C1QTNF3: variants seen among roughly 807,000 people sequenced by gnomAD.
C1QTNF3 encodes the protein C1q and TNF related 3.
In C1QTNF3, 26 loss-of-function variants were observed where a neutral mutation model predicts 32.6. The observed-to-expected ratio is 0.80, with a 90% CI of 0.58 to 1.11. C1QTNF3 has a LOEUF of 1.11. C1QTNF3 is among the 50% of genes least tolerant of loss of function. The pLI is 0.00. For missense variants in C1QTNF3, 362 were observed against 398.2 expected (o/e 0.91, Z 0.77); for synonymous variants, 155 against 146.0 (o/e 1.06, Z -0.44).
chr5:34,164,294 C>A, the C1QTNF3 span, among the ~76,000 whole-genome samples: 1 of 152,058 alleles, frequency 6.6e-6, no homozygotes, highest in Non-Finnish European at 1.5e-5. Context: ...ATCAATGGTA[C>A]GAGATATTTT....
chr5:34,146,525 C>A, the C1QTNF3 span, among the ~76,000 whole-genome samples: 1 of 152,192 alleles, frequency 6.6e-6, no homozygotes, highest in Non-Finnish European at 1.5e-5. Context: ...CACTTACAAT[C>A]ACCTGATCTT....
the C1QTNF3 span, among the ~76,000 whole-genome samples, chr5:34,226,125 T>G: frequency 5.8e-4 from 88 of 152,120 alleles, no homozygotes; most frequent in African/African-American, 2.1e-3. Context: ...GGCCACAAGT[T>G]CAGAATATAA....
At chr5:34,103,308 CT>C in the C1QTNF3 span, among the ~76,000 whole-genome samples, 1 of 151,482 alleles carries the variant, frequency 6.6e-6, no homozygotes, top group African/African-American at 2.4e-5. Context: ...ATGTTTTCTA[CT>C]TTTTAGAGAG....
At chr5:34,121,836 T>C in the C1QTNF3 span, among the ~76,000 whole-genome samples, 1 of 152,114 alleles carries the variant, frequency 6.6e-6, no homozygotes, top group East Asian at 1.9e-4. Flanking sequence ...CCTTCATGAA[T>C]GAAATGAGTG....
chr5:34,070,160 C>A, the C1QTNF3 span, among the ~76,000 whole-genome samples: 4 of 152,106 alleles, frequency 2.6e-5, no homozygotes, highest in Non-Finnish European at 4.4e-5. Flanking sequence ...CACTTCAAGA[C>A]CTTGTTCATA....
chr5:34,127,186 G>A, the C1QTNF3 span, among the ~76,000 whole-genome samples: 2 of 151,984 alleles, frequency 1.3e-5, no homozygotes, highest in Non-Finnish European at 2.9e-5. Context: ...CCGGGAAAGT[G>A]TGGCACTGCT....
At chr5:34,244,268 T>C in the C1QTNF3 span, among the ~76,000 whole-genome samples, 5 of 152,200 alleles carry the variant, frequency 3.3e-5, no homozygotes, top group African/African-American at 9.6e-5. Context: ...GTTTTCTGTA[T>C]CTTTGGAATA....
At chr5:34,113,024 C>A in the C1QTNF3 span, among the ~76,000 whole-genome samples, 1 of 150,912 alleles carries the variant, frequency 6.6e-6, no homozygotes, top group African/African-American at 2.4e-5. Flanking sequence ...CATGGAGACC[C>A]TCCCTCAGTT....
At chr5:34,239,773 T>C in the C1QTNF3 span, among the ~76,000 whole-genome samples, 1 of 152,032 alleles carries the variant, frequency 6.6e-6, no homozygotes, top group Non-Finnish European at 1.5e-5. Flanking sequence ...ACTTCACACT[T>C]GACCATTTGG....
At chr5:34,173,513 T>A in the C1QTNF3 span, among the ~76,000 whole-genome samples, 22 of 137,434 alleles carry the variant, frequency 1.6e-4, no homozygotes, top group African/African-American at 5.5e-4. Flanking sequence ...GCTAGATTAA[T>A]ATAATCGTCT....
Position 34,028,805 on chromosome 5 carries a change from T to C in C1QTNF3, c.649A>G (p.Ile217Val). 6.2e-7 allele frequency: 1 copy of C among 1,612,900 alleles called. No individual in the cohort carries two copies. The highest frequency in any genetic ancestry group is 8.5e-7 in the Non-Finnish European group (1 of 1,179,384). ...GTCATGACATCAAAGAAGTTTCCAA[T>C]GTTGGTCTCAACACTGCTGAAGATA... ...GIIFSSVETN[I>V]GNFFDVMTGR... is the part of the protein sequence containing the mutation. Residue 217 changes from isoleucine to valine, a missense_variant, in exon 4 of 6, where the codon ATT (isoleucine) becomes GTT (valine). Ile to Val is a conservative substitution (Grantham distance 29). Coordinates refer to ENST00000382065, the MANE Select transcript of C1QTNF3 (RefSeq NM_181435.6).
At chr5:34,176,170 G>A in the C1QTNF3 span, among the ~76,000 whole-genome samples, 2 of 148,600 alleles carry the variant, frequency 1.3e-5, no homozygotes, top group South Asian at 2.1e-4. Flanking sequence ...ACCAAACACC[G>A]CATATTCTCA....
chr5:34,153,726 G>A, the C1QTNF3 span, among the ~76,000 whole-genome samples: 1 of 99,916 alleles, frequency 1.0e-5, no homozygotes, highest in Non-Finnish European at 2.0e-5. Flanking sequence ...GGAGGGGGGA[G>A]GGATAGCATT....
chr5:34,176,613 T>C, the C1QTNF3 span, among the ~76,000 whole-genome samples: 1 of 152,208 alleles, frequency 6.6e-6, no homozygotes, highest in African/African-American at 2.4e-5. Context: ...TCAGGTGTGC[T>C]GGCTCATGTC....
chr5:34,053,639 A>G, the C1QTNF3 span, among the ~76,000 whole-genome samples: 2 of 152,228 alleles, frequency 1.3e-5, no homozygotes, highest in African/African-American at 4.8e-5. Context: ...GTGATGAGCA[A>G]TAACAGTACA....
chr5:34,130,943 C>T, the C1QTNF3 span, among the ~76,000 whole-genome samples: 5 of 152,188 alleles, frequency 3.3e-5, no homozygotes, highest in Non-Finnish European at 7.3e-5. Flanking sequence ...GAGAACACAG[C>T]ATACTTTATT....
chr5:34,087,975 G>C, the C1QTNF3 span, among the ~76,000 whole-genome samples: 9 of 152,028 alleles, frequency 5.9e-5, no homozygotes, highest in Non-Finnish European at 7.4e-5. Context: ...TTGCAGGGTA[G>C]TTTACTCTTT....
At chr5:34,099,041 C>A in the C1QTNF3 span, among the ~76,000 whole-genome samples, 1 of 152,134 alleles carries the variant, frequency 6.6e-6, no homozygotes, top group Non-Finnish European at 1.5e-5. Context: ...ATTAAGAAAT[C>A]CTGTCCATGT....
chr5:34,229,106 A>G, the C1QTNF3 span, among the ~76,000 whole-genome samples: 4 of 152,162 alleles, frequency 2.6e-5, no homozygotes, highest in Admixed American at 1.3e-4. Context: ...CAGGAAAGAA[A>G]GCTTATGCCT....
Sources: gnomAD v4.1 joint callset for allele counts (sites outside exome capture counted in the v4.1 genomes callset) on GRCh38, gnomAD v4.1.1 for gene constraint, MANE v1.5 for transcripts, NCBI Gene and HGNC (gene_info 2026-07-23, HGNC 2026-07-21) for gene names.